The following ANKRD55 variants were observed in gnomAD, a reference collection of about 807,000 sequenced individuals.
ANKRD55 encodes ankyrin repeat domain 55, also known as ankyrin repeat domain-containing protein 55.
Under a neutral mutation model 60.6 loss-of-function variants are expected in ANKRD55, and 41 were observed. That is an observed-to-expected ratio of 0.68 (90% CI 0.53 to 0.88). ANKRD55 has a LOEUF of 0.88. ANKRD55 is among the 40% of genes least tolerant of loss of function. The pLI is 0.00. For synonymous variants in ANKRD55, 264 were observed against 290.3 expected, an observed-to-expected ratio of 0.91 and a Z score of 0.92; for missense variants, 732 against 767.6, an observed-to-expected ratio of 0.95 and a Z score of 0.55.
intron 7 of ANKRD55, chr5:56,127,367 G>A (rs1580961020): frequency 2.0e-6 from 2 of 985,266 alleles, no homozygotes; most frequent in East Asian, 1.1e-4. Flanking sequence ...AGTGAACGAA[G>A]GATGGATTGA....
intron 10 of ANKRD55, 35 bp downstream of exon 10, chr5:56,111,083 C>A (rs769757677): frequency 3.8e-6 from 6 of 1,589,836 alleles, no homozygotes; most frequent in Non-Finnish European, 5.1e-6. Flanking sequence ...CAGTATAGAG[C>A]CTGCTGAGAA....
chr5:56,137,408 C>A, intron 7 of ANKRD55: 2 of 899,622 alleles, frequency 2.2e-6, no homozygotes, highest in Non-Finnish European at 3.7e-6. Flanking sequence ...GCTCTCCCTG[C>A]CACACTGAGA....
chr5:56,140,981 T>G (rs1439556131), intron 7 of ANKRD55, among the ~76,000 whole-genome samples: 1 of 152,048 alleles, frequency 6.6e-6, no homozygotes, highest in Non-Finnish European at 1.5e-5. Context: ...GAGAATTGCT[T>G]GAACCCGGGA....
At chr5:56,158,684 T>C (rs1758254220) in intron 6 of ANKRD55, among the ~76,000 whole-genome samples, 1 of 152,168 alleles carries the variant, frequency 6.6e-6, no homozygotes, top group Non-Finnish European at 1.5e-5. Context: ...CTCTCTGTCA[T>C]CTTTTTCTTT....
At position 56,183,635 on chromosome 5, in the gene ANKRD55, C is replaced by T. The variant is rs1269679983; in HGVS notation, c.59-1G>A. On this transcript the variant is annotated splice_acceptor_variant, in intron 2 of 11. Transcript: ENST00000341048. LOFTEE classifies it high-confidence loss of function. Reference sequence around the variant, plus strand: ...AGGTCAACTTCCTCAGATGAGTCACCTTCATGCATAAAACAGACACAATGT... The same window carrying T: ...AGGTCAACTTCCTCAGATGAGTCACTTTCATGCATAAAACAGACACAATGT... 1.9e-6 allele frequency: 3 copies of T among 1,613,838 alleles called. No individual in the cohort carries two copies. Among genetic ancestry groups the T allele is most frequent in the Admixed American group, 3.3e-5 (2 of 59,970 alleles).
In ANKRD55 at chr5:56,121,497, C is replaced by T. The variant is rs368568042; in HGVS notation, c.798-4715G>A. 1.8e-4 allele frequency among the ~76,000 whole-genome samples: 28 copies of T among 151,740 alleles called. No homozygotes were observed. The South Asian group carries it at 3.4e-3, about 18-fold the overall frequency. ...AAGCGATTCTCCTGCCTCAGCCTCC[C>T]GAGTAGCTGGGACTACAGGCGCCCG... is the stretch of plus-strand genomic sequence containing the variant. On this transcript the variant is annotated intron_variant, in intron 8 of 11. Coordinates refer to ENST00000341048, the MANE Select transcript of ANKRD55 (RefSeq NM_024669.3).
At chr5:56,154,473 G>C (rs576542888) in intron 6 of ANKRD55, among the ~76,000 whole-genome samples, 1 of 152,158 alleles carries the variant, frequency 6.6e-6, no homozygotes, top group Non-Finnish European at 1.5e-5. Flanking sequence ...AATGGCAAGA[G>C]CTTTTGCTGT....
chr5:56,176,257 A>G lies in ANKRD55; in HGVS notation c.207T>C (p.Val69=). 6.2e-7 allele frequency: 1 copy of G among 1,614,228 alleles called. No individual in the cohort carries two copies. Among genetic ancestry groups the G allele is most frequent in the East Asian group, 2.2e-5 (1 of 44,890 alleles). The change falls in exon 4 of 12, where the codon GTT becomes GTC. Residue 69 remains valine, a synonymous_variant. Transcript: ENST00000341048. The part of the protein sequence containing the change: ...SEGCTPLMHA[V]SGRQADTVKL... ...TCACTGTGTCCGCTTGACGTCCAGA[A>G]ACCGCATGCATCAAGGGCGTGCATC...
Position 56,176,108 on chromosome 5 carries a change from G to A in ANKRD55, c.312+44C>T, listed in dbSNP as rs762893604. ...CTGGGACCCCATAATGACACCCTTC[G>A]CCTACCCTGCTCCTTCCACCCTGTG... is the stretch of plus-strand genomic sequence containing the variant. On this transcript the variant is annotated intron_variant, in intron 4 of 11. Transcript: ENST00000341048. The A allele has an allele frequency of 4.8e-5, 77 of 1,610,710 alleles. No individual in the cohort carries two copies. In the Middle Eastern group the frequency reaches 5.0e-4, roughly 10 times the overall value.
At chr5:56,217,878 A>G (rs1467336719) in intron 2 of ANKRD55, among the ~76,000 whole-genome samples, 2 of 151,566 alleles carry the variant, frequency 1.3e-5, no homozygotes, top group Non-Finnish European at 2.9e-5. Flanking sequence ...CCTGGGTGAC[A>G]GAGCGAGACT....
At chr5:56,201,824 T>G (rs1215419769) in intron 2 of ANKRD55, among the ~76,000 whole-genome samples, 3 of 152,192 alleles carry the variant, frequency 2.0e-5, no homozygotes, top group Admixed American at 2.0e-4. Context: ...AATCATTCTA[T>G]TATAAAGATA....
At chr5:56,104,007 C>T (rs181148822) in intron 10 of ANKRD55, among the ~76,000 whole-genome samples, 1 of 152,124 alleles carries the variant, frequency 6.6e-6, no homozygotes, top group Non-Finnish European at 1.5e-5. Context: ...CTTTTGAACA[C>T]TGAACATCAA....
chr5:56,181,691 G>T (rs1758852168), intron 3 of ANKRD55, among the ~76,000 whole-genome samples: 1 of 152,172 alleles, frequency 6.6e-6, no homozygotes, highest in South Asian at 2.1e-4. Context: ...CCCGGTTCAA[G>T]CAATTCTCGT....
rs1397310672 is a variant in ANKRD55, at chr5:56,170,680, A to T, written c.422+14T>A. 6.2e-7 allele frequency: 1 copy of T among 1,611,180 alleles called. No individual in the cohort carries two copies. Among genetic ancestry groups the T allele is most frequent in the South Asian group, 1.1e-5 (1 of 91,014 alleles). On this transcript the variant is annotated intron_variant, in intron 5 of 11. Coordinates refer to ENST00000341048, the MANE Select transcript of ANKRD55 (RefSeq NM_024669.3). ...CACTCCCAACTTGAGCATCATGTAA[A>T]CCTGGCCACTTACCTCATATCGGGC...
At chr5:56,187,553 C>T (rs969995408) in intron 2 of ANKRD55, among the ~76,000 whole-genome samples, 2 of 152,162 alleles carry the variant, frequency 1.3e-5, no homozygotes, top group Admixed American at 6.5e-5. Context: ...TCCACCACTG[C>T]TGTTTGCTGC....
At chr5:56,166,401 G>A (rs531935759) in intron 5 of ANKRD55, among the ~76,000 whole-genome samples, 1 of 151,572 alleles carries the variant, frequency 6.6e-6, no homozygotes, top group Non-Finnish European at 1.5e-5. Context: ...AGGACTACAG[G>A]AGCACACCAC....
intron 5 of ANKRD55, 119 bp from the exon 6 acceptor site, chr5:56,160,012 A>G: frequency 1.3e-6 from 1 of 793,582 alleles, no homozygotes; most frequent in South Asian, 1.5e-5. Flanking sequence ...AATGAAGATG[A>G]GGGCCCTTTC....
intron 4 of ANKRD55, among the ~76,000 whole-genome samples, chr5:56,171,962 A>G (rs1758618104): frequency 1.3e-5 from 2 of 152,044 alleles, no homozygotes; most frequent in African/African-American, 4.8e-5. Context: ...TACCAAAAAT[A>G]CAAAAAATTA....
chr5:56,127,272 C>A, intron 7 of ANKRD55, 166 bp from the exon 8 acceptor site: 2 of 972,400 alleles, frequency 2.1e-6, no homozygotes, highest in Non-Finnish European at 1.2e-6. Context: ...TACACTCTAT[C>A]TAAGCTCTCC....
Sources: gnomAD v4.1 joint callset for allele counts (sites outside exome capture counted in the v4.1 genomes callset) on GRCh38, gnomAD v4.1.1 for gene constraint, MANE v1.5 for transcripts, NCBI Gene and HGNC (gene_info 2026-07-23, HGNC 2026-07-21) for gene names.